CCSER2: variants seen among roughly 807,000 people sequenced by gnomAD.
CCSER2 encodes the protein serine-rich coiled-coil domain-containing protein 2.
A neutral mutation model predicts 92.3 loss-of-function variants in CCSER2; 46 were observed. The observed-to-expected ratio is 0.50, with a 90% CI of 0.39 to 0.64. The LOEUF (loss-of-function observed/expected upper bound fraction) is 0.64, where lower values mean the gene tolerates loss of function less well. CCSER2 is among the 30% of genes least tolerant of loss of function. CCSER2 has a pLI of 0.00. For synonymous variants in CCSER2, 433 were observed against 431.4 expected, an observed-to-expected ratio of 1.00 and a Z score of -0.04; for missense variants, 1,244 against 1,238.9, an observed-to-expected ratio of 1.00 and a Z score of -0.06.
intron 2 of CCSER2, 92 bp downstream of exon 2, chr10:84,372,561 A>C: frequency 1.2e-6 from 1 of 817,990 alleles, no homozygotes; most frequent in Non-Finnish European, 1.9e-6. Flanking sequence ...ATTTCAAGAT[A>C]TTATCAGTTT....
At chr10:84,479,910 T>C (rs1373187981) in intron 9 of CCSER2, among the ~76,000 whole-genome samples, 1 of 152,124 alleles carries the variant, frequency 6.6e-6, no homozygotes, top group Non-Finnish European at 1.5e-5. Context: ...GACAGAGGCT[T>C]AATCTTAGTG....
At chr10:84,364,451 A>G (rs1235933308) in intron 1 of CCSER2, among the ~76,000 whole-genome samples, 1 of 152,202 alleles carries the variant, frequency 6.6e-6, no homozygotes, top group Non-Finnish European at 1.5e-5. Flanking sequence ...GGAATCAGGT[A>G]AACTTGAACC....
At chr10:84,477,821 T>C (rs965791521) in intron 9 of CCSER2, among the ~76,000 whole-genome samples, 157 bp downstream of exon 9, 2 of 145,426 alleles carry the variant, frequency 1.4e-5, no homozygotes, top group African/African-American at 2.4e-5. Flanking sequence ...GGTGTTTATG[T>C]GTTTTCCTAA....
At chr10:84,461,358 G>T (rs1479803932) in intron 6 of CCSER2, among the ~76,000 whole-genome samples, 1 of 152,100 alleles carries the variant, frequency 6.6e-6, no homozygotes, top group Non-Finnish European at 1.5e-5. Context: ...TTCGGGGTGT[G>T]TTTATCCATT....
intron 9 of CCSER2, among the ~76,000 whole-genome samples, chr10:84,487,653 C>G (rs886264326): frequency 1.3e-5 from 2 of 152,184 alleles, no homozygotes; most frequent in Middle Eastern, 6.8e-3. Flanking sequence ...GAGACGATGG[C>G]GTTTTCTAGA....
At chr10:84,478,465 A>G (rs1261478173) in intron 9 of CCSER2, among the ~76,000 whole-genome samples, 1 of 152,206 alleles carries the variant, frequency 6.6e-6, no homozygotes, top group African/African-American at 2.4e-5. Flanking sequence ...AGAGAAATAT[A>G]ATGGCTAATA....
At chr10:84,504,724 A>G (rs1442786554) in intron 9 of CCSER2, among the ~76,000 whole-genome samples, 1 of 152,228 alleles carries the variant, frequency 6.6e-6, no homozygotes, top group Non-Finnish European at 1.5e-5. Context: ...AATACCTATT[A>G]TGTGTTTTAA....
intron 9 of CCSER2, among the ~76,000 whole-genome samples, chr10:84,498,422 T>G (rs1589819860): frequency 6.6e-6 from 1 of 152,024 alleles, no homozygotes; most frequent in Non-Finnish European, 1.5e-5. Context: ...TCCTAAAGAT[T>G]GTTAATTTAG....
intron 1 of CCSER2, among the ~76,000 whole-genome samples, chr10:84,336,432 G>A (rs1442202248): frequency 6.6e-6 from 1 of 152,222 alleles, no homozygotes; most frequent in Non-Finnish European, 1.5e-5. Flanking sequence ...TGAGGGTGAT[G>A]CTGCTGTTTT....
intron 3 of CCSER2, among the ~76,000 whole-genome samples, chr10:84,388,095 C>T (rs929930951): frequency 4.6e-5 from 7 of 152,148 alleles, no homozygotes; most frequent in Admixed American, 4.6e-4. Context: ...GAACTCCTGA[C>T]CTCGTGATCT....
intron 1 of CCSER2, among the ~76,000 whole-genome samples, chr10:84,367,288 T>C (rs1036224274): frequency 6.6e-6 from 1 of 152,188 alleles, no homozygotes; most frequent in Admixed American, 6.5e-5. Flanking sequence ...TAATTAGTTA[T>C]TCTACTTCAG....
chr10:84,341,640 A>T (rs1194597873), intron 1 of CCSER2, among the ~76,000 whole-genome samples: 4 of 152,056 alleles, frequency 2.6e-5, no homozygotes, highest in African/African-American at 9.7e-5. Flanking sequence ...ATGCTGTAGG[A>T]TAAGGTCTCA....
intron 1 of CCSER2, among the ~76,000 whole-genome samples, chr10:84,331,061 G>A (rs1299776483): frequency 2.0e-5 from 3 of 152,118 alleles, no homozygotes; most frequent in African/African-American, 7.2e-5. Flanking sequence ...TCTGAAAAAA[G>A]GGTCAATAGA....
chr10:84,378,981 G>T (rs2133203962), intron 3 of CCSER2, among the ~76,000 whole-genome samples: 1 of 152,290 alleles, frequency 6.6e-6, no homozygotes, highest in South Asian at 2.1e-4. Context: ...TCAAGATCAT[G>T]CTGGCTTTAT....
intron 9 of CCSER2, among the ~76,000 whole-genome samples, chr10:84,479,675 A>C (rs1293812320): frequency 6.6e-6 from 1 of 152,230 alleles, no homozygotes; most frequent in African/African-American, 2.4e-5. Flanking sequence ...ATAAAGTTCC[A>C]TCCCTCAAGA....
rs1024611761 is a variant in CCSER2, at chr10:84,514,470, C to T, written c.*203C>T. ...ACATGCCATTTGAGCATAATTATCT[C>T]AGGTAAACACGAAAGTTTGCTTACC... On this transcript the variant is annotated 3_prime_UTR_variant, in exon 10 of 10. Coordinates refer to ENST00000372088, the MANE Select transcript of CCSER2 (RefSeq NM_001284240.2). 1.8e-6 allele frequency: 1 copy of T among 548,442 alleles called. No individual in the cohort carries two copies. Among genetic ancestry groups the T allele is most frequent in the Non-Finnish European group, 3.2e-6 (1 of 314,314 alleles). The allele number at this position is 548,442 out of a possible 1,614,324, so 34.0% of individuals were successfully genotyped here.
intron 9 of CCSER2, among the ~76,000 whole-genome samples, chr10:84,487,097 G>T (rs1343384231): frequency 1.3e-5 from 2 of 152,086 alleles, no homozygotes; most frequent in African/African-American, 4.8e-5. Context: ...TGTTCCATTG[G>T]TCTATATCTC....
chr10:84,392,147 A>G (rs1005117627), intron 3 of CCSER2: 21 of 593,736 alleles, frequency 3.5e-5, no homozygotes, highest in African/African-American at 3.2e-4. Flanking sequence ...TTACGGGGGG[A>G]AGGGTAAACC....
intron 3 of CCSER2, chr10:84,390,832 T>G: frequency 1.9e-6 from 1 of 533,142 alleles, no homozygotes; most frequent in South Asian, 2.1e-5. Context: ...GGAGATGATC[T>G]TGGACATCTT....
Sources: gnomAD v4.1 joint callset for allele counts (sites outside exome capture counted in the v4.1 genomes callset) on GRCh38, gnomAD v4.1.1 for gene constraint, MANE v1.5 for transcripts, NCBI Gene and HGNC (gene_info 2026-07-23, HGNC 2026-07-21) for gene names.